CDH12: variants seen among roughly 807,000 people sequenced by gnomAD.
CDH12 encodes cadherin-12.
In CDH12, 41 loss-of-function variants were observed where a neutral mutation model predicts 74.1. The observed-to-expected ratio is 0.55, with a 90% CI of 0.43 to 0.72. CDH12 has a LOEUF of 0.72. CDH12 is among the 30% of genes least tolerant of loss of function. The pLI is 0.00. For synonymous variants in CDH12, 399 were observed against 355.0 expected, an observed-to-expected ratio of 1.12 and a Z score of -1.39; for missense variants, 945 against 977.2, an observed-to-expected ratio of 0.97 and a Z score of 0.44.
rs1472404965 is a variant in CDH12 at position 22,091,193 on chromosome 5, GTGTGTATA to G, written c.-186-12339_-186-12332del. On this transcript the variant is annotated intron_variant, in intron 4 of 14. Coordinates refer to ENST00000382254, the MANE Select transcript of CDH12 (RefSeq NM_004061.5). ...ATTAAATATCCTAAAGTGTGTGTGT[GTGTGTATA>G]TATATATATATATATATATAGCTTA... 9.4e-5 allele frequency among the ~76,000 whole-genome samples: 12 copies of G among 127,422 alleles called. No homozygotes were observed. In the South Asian group the frequency reaches 2.9e-3, roughly 31 times the overall value. 83.6% of individuals were successfully genotyped at this position (127,422 alleles called of 152,430 possible). A position where few individuals can be genotyped will look rare whatever the true frequency, so the allele number is the denominator to read the frequency against.
chr5:21,788,806 A>C (rs138979841), intron 10 of CDH12, among the ~76,000 whole-genome samples: 20 of 152,082 alleles, frequency 1.3e-4, no homozygotes, highest in Non-Finnish European at 2.8e-4. Context: ...CATGCACTTC[A>C]TACAGTCATC....
chr5:21,944,024 A>T (rs756241653), intron 6 of CDH12, among the ~76,000 whole-genome samples: 6 of 152,166 alleles, frequency 3.9e-5, no homozygotes, highest in Non-Finnish European at 8.8e-5. Flanking sequence ...GTATTTATAT[A>T]CCTATAAGAG....
At position 22,233,419 on chromosome 5, in the gene CDH12, A is replaced by T. The variant is rs998677551; in HGVS notation, c.-332-20776T>A. Among the ~76,000 whole-genome samples the T allele has an allele frequency of 3.3e-5, 5 of 152,080 alleles. No individual in the cohort carries two copies. The East Asian group carries it at 9.6e-4, about 29-fold the overall frequency. ...GGATGGCTAAAAGGAAATCTTGCTC[A>T]TGTAAAAGGCCCTGAATGTTTCAAA... On this transcript the variant is annotated intron_variant, in intron 3 of 14. Coordinates refer to ENST00000382254, the MANE Select transcript of CDH12 (RefSeq NM_004061.5).
chr5:22,588,663 A>G (rs1356274626), intron 1 of CDH12, among the ~76,000 whole-genome samples: 1 of 152,210 alleles, frequency 6.6e-6, no homozygotes, highest in South Asian at 2.1e-4. Flanking sequence ...AAAATAGATA[A>G]AAAGAAATGT....
Position 22,811,031 on chromosome 5 carries a change from A to G in CDH12, c.-523+42027T>C, listed in dbSNP as rs577160216. On this transcript the variant is annotated intron_variant, in intron 1 of 14. Transcript: ENST00000382254. ...CATACACATATATACATATGTACAT[A>G]CATAAATATATACATACATACACAT... Among the ~76,000 whole-genome samples the G allele has an allele frequency of 4.4e-4, 66 of 151,632 alleles. No homozygotes were observed. In the South Asian group the frequency reaches 0.013, roughly 31 times the overall value.
chr5:22,782,635 G>A (rs1167638544), intron 1 of CDH12, among the ~76,000 whole-genome samples: 4 of 152,190 alleles, frequency 2.6e-5, no homozygotes, highest in Non-Finnish European at 5.9e-5. Flanking sequence ...TGATCCTTGA[G>A]ATTCTTATCT....
At chr5:21,854,029 C>A (rs759805787) in intron 7 of CDH12, among the ~76,000 whole-genome samples, 16 of 151,540 alleles carry the variant, frequency 1.1e-4, no homozygotes, top group Non-Finnish European at 1.9e-4. Flanking sequence ...AATAGAGTGA[C>A]CTCATTTATT....
At chr5:22,384,770 T>C (rs972896241) in intron 3 of CDH12, among the ~76,000 whole-genome samples, 15 of 152,230 alleles carry the variant, frequency 9.9e-5, no homozygotes, top group African/African-American at 3.4e-4. Context: ...ATGCAACTTT[T>C]TGAACAAATT....
intron 10 of CDH12, among the ~76,000 whole-genome samples, chr5:21,792,153 A>G (rs1489948992): frequency 6.6e-6 from 1 of 151,900 alleles, no homozygotes. Flanking sequence ...AATTCAGTTC[A>G]ATTCATTTTA....
At chr5:22,798,679 A>T (rs1231225271) in intron 1 of CDH12, among the ~76,000 whole-genome samples, 3 of 152,194 alleles carry the variant, frequency 2.0e-5, no homozygotes, top group African/African-American at 7.2e-5. Flanking sequence ...GAATTTTACA[A>T]GATTATGCAT....
intron 5 of CDH12, among the ~76,000 whole-genome samples, chr5:22,026,503 C>A (rs1040938625): frequency 1.3e-5 from 2 of 152,108 alleles, no homozygotes; most frequent in Non-Finnish European, 2.9e-5. Context: ...CCAGATTAAC[C>A]ATATTTAGTC....
intron 4 of CDH12, among the ~76,000 whole-genome samples, chr5:22,178,753 T>C (rs1247206175): frequency 1.3e-5 from 2 of 152,216 alleles, no homozygotes; most frequent in South Asian, 4.1e-4. Flanking sequence ...TTTGTGGTTC[T>C]ACTATACCAA....
At chr5:22,171,522 T>C (rs555807481) in intron 4 of CDH12, among the ~76,000 whole-genome samples, 1 of 152,064 alleles carries the variant, frequency 6.6e-6, no homozygotes, top group South Asian at 2.1e-4. Flanking sequence ...GGCGGCCTTC[T>C]ATATGGTTTG....
intron 1 of CDH12, among the ~76,000 whole-genome samples, chr5:22,545,266 A>G (rs960642197): frequency 6.6e-6 from 1 of 152,170 alleles, no homozygotes; most frequent in South Asian, 2.1e-4. Flanking sequence ...CCTCTAAAGG[A>G]TGTTCTTGGT....
intron 5 of CDH12, among the ~76,000 whole-genome samples, chr5:22,011,260 C>T (rs527678924): frequency 7.9e-5 from 12 of 152,198 alleles, no homozygotes; most frequent in Non-Finnish European, 1.6e-4. Context: ...TAATACTCAA[C>T]CACACAAAAT....
chr5:22,822,289 AC>A (rs1280842379), intron 1 of CDH12, among the ~76,000 whole-genome samples: 1 of 152,294 alleles, frequency 6.6e-6, no homozygotes, highest in East Asian at 1.9e-4. Flanking sequence ...CTAGAAGAAA[AC>A]CTAGGCAATA....
chr5:22,784,501 G>C (rs1747531246), intron 1 of CDH12, among the ~76,000 whole-genome samples: 1 of 152,170 alleles, frequency 6.6e-6, no homozygotes, highest in Non-Finnish European at 1.5e-5. Flanking sequence ...CACCCATCCA[G>C]ATTAAATTGG....
At chr5:22,351,568 A>T (rs1159410586) in intron 3 of CDH12, among the ~76,000 whole-genome samples, 39 of 152,240 alleles carry the variant, frequency 2.6e-4, no homozygotes, top group Non-Finnish European at 1.5e-5. Context: ...TAATGATTTA[A>T]CGAGATGCTA....
chr5:21,809,509 A>G (rs566290997), intron 9 of CDH12, among the ~76,000 whole-genome samples: 3 of 152,288 alleles, frequency 2.0e-5, no homozygotes, highest in Non-Finnish European at 4.4e-5. Context: ...TTCTAAACAT[A>G]TACTATGATT....
Sources: gnomAD v4.1 joint callset for allele counts (sites outside exome capture counted in the v4.1 genomes callset) on GRCh38, gnomAD v4.1.1 for gene constraint, MANE v1.5 for transcripts, NCBI Gene and HGNC (gene_info 2026-07-23, HGNC 2026-07-21) for gene names.